The following CCNH variants were observed in gnomAD, a reference collection of about 807,000 sequenced individuals.
The protein encoded by CCNH is cyclin H, also known as cyclin-H.
In CCNH, 31 loss-of-function variants were observed where a neutral mutation model predicts 41.9. The observed-to-expected ratio is 0.74, with a 90% CI of 0.56 to 1.00. The LOEUF is 1.00. CCNH is among the 50% of genes least tolerant of loss of function. The pLI is 0.00. For missense variants in CCNH, 362 were observed against 388.4 expected (o/e 0.93, Z 0.57); for synonymous variants, 138 against 136.1 (o/e 1.01, Z -0.10).
chr5:87,376,484 T>C, exon 1 of CCNH: 1 of 1,614,082 alleles, frequency 6.2e-7, no homozygotes, highest in Non-Finnish European at 8.5e-7. Context: ...TAAAAGGTAT[T>C]GAACCAGGGT....
chr5:87,380,601 G>C (rs773361769), upstream of CCNH: 1 of 1,603,388 alleles, frequency 6.2e-7, no homozygotes, highest in Non-Finnish European at 8.5e-7. Context: ...GTTAGGTAAG[G>C]CTCATCAATT....
intron 9 of CCNH, among the ~76,000 whole-genome samples, chr5:87,383,966 T>G (rs1761902701): frequency 6.6e-6 from 1 of 152,066 alleles, no homozygotes; most frequent in Non-Finnish European, 1.5e-5. Context: ...TCTTTTTGTT[T>G]CTTTTCTTCC....
At chr5:87,394,983 A>G (rs1475293300) in intron 8 of CCNH, 61 bp downstream of exon 8, 1 of 1,610,342 alleles carries the variant, frequency 6.2e-7, no homozygotes, top group East Asian at 2.2e-5. Flanking sequence ...TCTTAACAGT[A>G]TAGTCACACC....
chr5:87,349,114 A>G (rs1003054537), intron 9 of CCNH: 7 of 1,380,316 alleles, frequency 5.1e-6, no homozygotes, highest in African/African-American at 4.4e-5. Flanking sequence ...GAAAATTTAC[A>G]TATGTTTATG....
downstream of CCNH, among the ~76,000 whole-genome samples, chr5:87,389,030 T>C (rs1459896631): frequency 1.3e-5 from 2 of 152,226 alleles, no homozygotes; most frequent in African/African-American, 4.8e-5. Flanking sequence ...ACAAAGTCTA[T>C]ATTTTACCAT....
downstream of CCNH, chr5:87,392,232 A>G: frequency 2.2e-6 from 1 of 456,324 alleles, no homozygotes; most frequent in Non-Finnish European, 4.4e-6. Context: ...TCCAAGAGCA[A>G]CACTTTATGC....
At chr5:87,337,358 A>C (rs2112384559) in intron 9 of CCNH, among the ~76,000 whole-genome samples, 1 of 152,178 alleles carries the variant, frequency 6.6e-6, no homozygotes. Flanking sequence ...CTCATAATAT[A>C]TCCCTTGGTA....
downstream of CCNH, chr5:87,390,735 G>A: frequency 7.4e-7 from 1 of 1,351,976 alleles, no homozygotes; most frequent in East Asian, 2.3e-5. Flanking sequence ...TTCAAATCCA[G>A]GTTCCCATCC....
At chr5:87,406,970 T>C (rs1161603554) in intron 4 of CCNH, among the ~76,000 whole-genome samples, 6 of 152,230 alleles carry the variant, frequency 3.9e-5, no homozygotes, top group African/African-American at 1.4e-4. Flanking sequence ...TTTGCTGTAT[T>C]CAAAATCTGT....
At chr5:87,385,476 T>C in intron 9 of CCNH, 1 of 1,026,200 alleles carries the variant, frequency 9.7e-7, no homozygotes, top group Non-Finnish European at 1.5e-6. Context: ...AGTAAATTTT[T>C]AGCAGTGAAA....
In CCNH at chr5:87,319,908, A is replaced by G. The variant is rs571149376; in HGVS notation, c.*91-1011T>C. Among the ~76,000 whole-genome samples, 11 of 152,342 alleles carry G rather than the reference A, an allele frequency of 7.2e-5. No homozygotes were observed. In the East Asian group the frequency reaches 2.1e-3, roughly 29 times the overall value. Reference sequence around the variant, plus strand: ...TGCTTCCCTTTTAAACATAAGTTCCAATTTCACACCGTCTCTTCATACATA... The same window carrying G: ...TGCTTCCCTTTTAAACATAAGTTCCGATTTCACACCGTCTCTTCATACATA... On this transcript the variant is annotated intron_variant and NMD_transcript_variant, in intron 9 of 9. Coordinates refer to the CCNH transcript ENST00000645953.
At chr5:87,337,794 AT>A (rs1168580543) in intron 9 of CCNH, among the ~76,000 whole-genome samples, 2 of 152,058 alleles carry the variant, frequency 1.3e-5, no homozygotes, top group African/African-American at 4.8e-5. Flanking sequence ...ATTATTTATT[AT>A]TTTCAGGAAT....
intron 9 of CCNH, chr5:87,346,541 T>C: frequency 1.9e-6 from 1 of 528,598 alleles, no homozygotes; most frequent in Non-Finnish European, 3.4e-6. Flanking sequence ...GTAATAAGAA[T>C]GAGATGATTT....
At chr5:87,393,158 C>T (rs1411618590), downstream of CCNH, among the ~76,000 whole-genome samples, 1 of 151,750 alleles carries the variant, frequency 6.6e-6, no homozygotes, top group Non-Finnish European at 1.5e-5. Context: ...TAAGTATTGC[C>T]TTAAAATAGA....
chr5:87,365,157 T>G (rs1190001116), intron 9 of CCNH, among the ~76,000 whole-genome samples: 1 of 152,182 alleles, frequency 6.6e-6, no homozygotes, highest in African/African-American at 2.4e-5. Flanking sequence ...GAGCAGAGCT[T>G]CCTAACCAGT....
chr5:87,375,077 A>G (rs554306289), downstream of CCNH, among the ~76,000 whole-genome samples: 3 of 152,300 alleles, frequency 2.0e-5, no homozygotes, highest in South Asian at 4.1e-4. Flanking sequence ...GATTATCAAG[A>G]AAGAATATAC....
intron 9 of CCNH, among the ~76,000 whole-genome samples, chr5:87,321,919 G>A (rs1756844739): frequency 6.6e-6 from 1 of 152,234 alleles, no homozygotes. Context: ...CAGATGAAAG[G>A]AGGGCAGGAG....
downstream of CCNH, among the ~76,000 whole-genome samples, chr5:87,375,368 C>A (rs980721490): frequency 2.0e-5 from 3 of 151,784 alleles, no homozygotes; most frequent in Non-Finnish European, 4.4e-5. Context: ...TCAAGCAATT[C>A]TCCTGCCTCA....
chr5:87,344,620 G>T (rs1758711803), intron 9 of CCNH, among the ~76,000 whole-genome samples: 2 of 151,338 alleles, frequency 1.3e-5, no homozygotes, highest in African/African-American at 4.9e-5. Context: ...CTTCCTGCCT[G>T]AGCCTCCCGA....
Sources: allele counts gnomAD v4.1 joint callset (sites outside exome capture counted in the v4.1 genomes callset), GRCh38; gene constraint gnomAD v4.1.1; transcripts MANE v1.5; gene names NCBI Gene and HGNC (gene_info 2026-07-23, HGNC 2026-07-21).